Variants in IRAG2 observed in about 807,000 individuals in gnomAD.
The protein encoded by IRAG2 is inositol 1,4,5-triphosphate receptor associated 2.
In IRAG2, 45 loss-of-function variants were observed where a neutral mutation model predicts 69.9. The observed-to-expected ratio is 0.64, with a 90% CI of 0.51 to 0.83. The LOEUF (loss-of-function observed/expected upper bound fraction) is 0.83, where lower values mean the gene tolerates loss of function less well. IRAG2 is among the 40% of genes least tolerant of loss of function. The probability of loss-of-function intolerance (pLI) is 0.00; values close to 1 mark genes in which losing one functional copy is unlikely to be tolerated. For missense variants in IRAG2, 520 were observed against 587.0 expected (o/e 0.89, Z 1.18); for synonymous variants, 193 against 202.4 (o/e 0.95, Z 0.40).
exon 2 of IRAG2, chr12:25,005,321 A>T: frequency 8.1e-7 from 1 of 1,229,496 alleles, no homozygotes; most frequent in Non-Finnish European, 1.0e-6. Flanking sequence ...GGCACTCACA[A>T]GTATTTTTAA....
intron 6 of IRAG2, among the ~76,000 whole-genome samples, chr12:25,077,412 A>G (rs1215766420): frequency 7.1e-6 from 1 of 141,308 alleles, no homozygotes; most frequent in Non-Finnish European, 1.5e-5. Context: ...TATACACATA[A>G]TAGTATAGTT....
chr12:25,059,363 T>C (rs1034936381), intron 1 of IRAG2, among the ~76,000 whole-genome samples: 11 of 152,270 alleles, frequency 7.2e-5, no homozygotes, highest in South Asian at 2.1e-4. Flanking sequence ...TATTTTTTTT[T>C]CCCCTGAGAC....
At chr12:25,052,656 A>C (rs1241062238), upstream of IRAG2, 1 of 397,428 alleles carries the variant, frequency 2.5e-6, no homozygotes, top group African/African-American at 2.1e-5. Context: ...ACAGAATTGC[A>C]GAAGTTCAGG....
intron 11 of IRAG2, chr12:25,032,264 C>G (rs1486759963): frequency 2.5e-6 from 1 of 398,912 alleles, no homozygotes; most frequent in African/African-American, 2.1e-5. Flanking sequence ...AAATTCCCCA[C>G]TAGAGTAACA....
intron 3 of IRAG2, chr12:25,015,173 T>TTTTTTG: frequency 2.6e-6 from 3 of 1,162,952 alleles, no homozygotes; most frequent in African/African-American, 1.7e-5. Flanking sequence ...TTTTTTTTTT[T>TTTTTTG]GGCTACAGGG....
chr12:25,090,935 C>G (rs1220153726), intron 14 of IRAG2: 1 of 432,226 alleles, frequency 2.3e-6, no homozygotes, highest in East Asian at 7.2e-5. Flanking sequence ...GTAACTGATT[C>G]AGTCTTGCAG....
Position 25,103,828 on chromosome 12 carries a change from T to G in IRAG2, c.934-9T>G. ...GTTTTCTAAATGTACATTTTCCTCC[T>G]TCTGGTAGCCATCTTCTCTACGAAG... is the stretch of plus-strand genomic sequence containing the variant. On this transcript the variant is annotated splice_polypyrimidine_tract_variant and intron_variant, in intron 17 of 21. Transcript: ENST00000556887. 2 of 1,602,858 alleles carry G rather than the reference T, an allele frequency of 1.2e-6. No homozygotes were observed. Among genetic ancestry groups the G allele is most frequent in the East Asian group, 4.5e-5 (2 of 44,768 alleles).
rs1944644535 is a variant in IRAG2, at chr12:25,028,670, A to G, written c.1462-1608A>G. 2.0e-5 allele frequency among the ~76,000 whole-genome samples: 3 copies of G among 152,166 alleles called. No individual in the cohort carries two copies. The South Asian group carries it at 6.2e-4, about 32-fold the overall frequency. On this transcript the variant is annotated intron_variant, in intron 9 of 38. Transcript: ENST00000636465. ...GGAAACAGATGACAACGACTAGTAA[A>G]TTCATGAATTTGTGTCATGCTTATT...
intron 10 of IRAG2, chr12:25,030,864 A>T (rs980671300): frequency 1.1e-5 from 2 of 190,340 alleles, no homozygotes; most frequent in Admixed American, 1.3e-4. Context: ...ATTTCTAACA[A>T]CATAAATGAG....
At chr12:25,077,615 T>C (rs1009516335) in intron 6 of IRAG2, among the ~76,000 whole-genome samples, 2 of 151,886 alleles carry the variant, frequency 1.3e-5, no homozygotes, top group African/African-American at 4.8e-5. Flanking sequence ...GGATTTGTAT[T>C]ATATATTTCT....
chr12:25,052,639 T>C (rs1287222608), upstream of IRAG2: 1 of 397,374 alleles, frequency 2.5e-6, no homozygotes, highest in Non-Finnish European at 4.4e-6. Context: ...ACCAAGCCCA[T>C]GCAAACACAG....
chr12:25,039,701 A>T (rs911111849), intron 16 of IRAG2, among the ~76,000 whole-genome samples: 1 of 152,196 alleles, frequency 6.6e-6, no homozygotes, highest in Non-Finnish European at 1.5e-5. Flanking sequence ...AAGTGCTGGG[A>T]TTACAGGCGT....
chr12:25,070,653 C>T (rs960790736), intron 6 of IRAG2, among the ~76,000 whole-genome samples: 1 of 152,072 alleles, frequency 6.6e-6, no homozygotes, highest in African/African-American at 2.4e-5. Context: ...TGGGTGTATT[C>T]CTGTGGCAGA....
rs185639298 is a variant in IRAG2, at chr12:25,030,840, G to T, written c.1518+506G>T. Reference sequence around the variant, plus strand: ...TCTACCAGTCACTGGCTAGATACTGGTGATGTCGTTTTAATTTCTAACAAC... The same window carrying T: ...TCTACCAGTCACTGGCTAGATACTGTTGATGTCGTTTTAATTTCTAACAAC... On this transcript the variant is annotated intron_variant, in intron 10 of 38. Transcript: ENST00000636465. Among the ~76,000 whole-genome samples the T allele has an allele frequency of 2.0e-5, 3 of 152,326 alleles. No individual in the cohort carries two copies. In the East Asian group the frequency reaches 5.8e-4, roughly 29 times the overall value.
At chr12:25,025,882 G>T (rs1944617735) in intron 8 of IRAG2, among the ~76,000 whole-genome samples, 1 of 152,216 alleles carries the variant, frequency 6.6e-6, no homozygotes, top group African/African-American at 2.4e-5. Flanking sequence ...GAGTGAGGAT[G>T]TTGGAGGGGT....
At chr12:25,077,844 C>G (rs940538111) in intron 6 of IRAG2, among the ~76,000 whole-genome samples, 1 of 152,150 alleles carries the variant, frequency 6.6e-6, no homozygotes, top group Non-Finnish European at 1.5e-5. Flanking sequence ...AGTTGACCAA[C>G]ATCATTGATG....
chr12:25,054,232 T>A (rs1945076517), intron 1 of IRAG2, among the ~76,000 whole-genome samples: 1 of 152,218 alleles, frequency 6.6e-6, no homozygotes, highest in Non-Finnish European at 1.5e-5. Flanking sequence ...GTCTGTGTGT[T>A]ATTTTACTAC....
At chr12:25,062,073 T>G (rs1945668262) in intron 2 of IRAG2, among the ~76,000 whole-genome samples, 1 of 152,248 alleles carries the variant, frequency 6.6e-6, no homozygotes, top group Non-Finnish European at 1.5e-5. Context: ...TGAATTAAAC[T>G]TTCTATTTCT....
chr12:25,017,830 C>T (rs929375373), intron 6 of IRAG2, among the ~76,000 whole-genome samples: 1 of 152,160 alleles, frequency 6.6e-6, no homozygotes, highest in African/African-American at 2.4e-5. Flanking sequence ...TCCATACTTA[C>T]CAGCAGGCAT....
Sources: allele counts gnomAD v4.1 joint callset (sites outside exome capture counted in the v4.1 genomes callset), GRCh38; gene constraint gnomAD v4.1.1; transcripts MANE v1.5; gene names NCBI Gene and HGNC (gene_info 2026-07-23, HGNC 2026-07-21).